Variants in CTIF observed in about 807,000 individuals in gnomAD.
CTIF encodes the protein cap binding complex dependent translation initiation factor.
Under a neutral mutation model 66.0 loss-of-function variants are expected in CTIF, and 21 were observed. The ratio of observed to expected loss-of-function variants is 0.32; its 90% CI spans 0.23 to 0.46. CTIF has a LOEUF of 0.46. Ranked by LOEUF, CTIF falls within the 20% of genes least tolerant of loss-of-function variation. The probability of loss-of-function intolerance (pLI) is 1.00; values close to 1 mark genes in which losing one functional copy is unlikely to be tolerated. For synonymous variants in CTIF, 345 were observed against 326.4 expected, an observed-to-expected ratio of 1.06 and a Z score of -0.62; for missense variants, 739 against 812.7, an observed-to-expected ratio of 0.91 and a Z score of 1.10.
intron 7 of CTIF, among the ~76,000 whole-genome samples, chr18:48,742,929 C>A (rs2092567210): frequency 6.6e-6 from 1 of 152,218 alleles, no homozygotes; most frequent in African/African-American, 2.4e-5. Context: ...GCCCCTCCAC[C>A]AGTCTATCAC....
rs184146370 is a variant in CTIF at position 48,775,804 on chromosome 18, C to G, written c.1371+14115C>G. 1.2e-3 allele frequency among the ~76,000 whole-genome samples: 182 copies of G among 152,234 alleles called. 1 individual carries two copies. The highest frequency in any genetic ancestry group is 3.9e-3 in the African/African-American group (164 of 41,540). On this transcript the variant is annotated intron_variant, in intron 9 of 11. Coordinates refer to ENST00000256413, the MANE Select transcript of CTIF (RefSeq NM_014772.3). The stretch of plus-strand genomic sequence containing the variant: ...CAAGAGGATCTGTAAGTGGCAGGAC[C>G]CTTTGAGGGACTGGGGGTTGCAGAG...
intron 8 of CTIF, among the ~76,000 whole-genome samples, chr18:48,759,838 G>C (rs1008213202): frequency 5.3e-5 from 8 of 152,212 alleles, no homozygotes; most frequent in Non-Finnish European, 1.0e-4. Flanking sequence ...AGCACCTATA[G>C]ATCAGTTTCA....
intron 7 of CTIF, among the ~76,000 whole-genome samples, chr18:48,752,646 CAG>C (rs1035785537): frequency 2.0e-4 from 30 of 152,270 alleles, no homozygotes; most frequent in Admixed American, 9.8e-4. Context: ...CATCTGGAAA[CAG>C]AGACACAGAG....
chr18:48,828,850 G>C (rs2068634885), intron 10 of CTIF, among the ~76,000 whole-genome samples: 1 of 152,202 alleles, frequency 6.6e-6, no homozygotes, highest in South Asian at 2.1e-4. Context: ...CAGGGGAGGG[G>C]CACCTTCCCA....
chr18:48,701,562 CTT>C (rs1317427709), intron 6 of CTIF, among the ~76,000 whole-genome samples: 13 of 152,224 alleles, frequency 8.5e-5, no homozygotes, highest in Non-Finnish European at 1.6e-4. Context: ...AGTGCACTCC[CTT>C]CAGTGCACTG....
rs529174835 is a variant in CTIF at position 48,752,787 on chromosome 18, G to A, written c.585-5132G>A. 1.6e-4 allele frequency among the ~76,000 whole-genome samples: 24 copies of A among 152,324 alleles called. 1 individual carries two copies. The highest frequency in any genetic ancestry group is 6.2e-4 in the South Asian group (3 of 4,822). On this transcript the variant is annotated intron_variant, in intron 7 of 11. Coordinates refer to ENST00000256413, the MANE Select transcript of CTIF (RefSeq NM_014772.3). ...CACCCATCATCCGAATCAGCCCTGCGCGCACCATGGGTGCTCCGTTAGTAT... is the reference window on the plus strand; with the variant it reads ...CACCCATCATCCGAATCAGCCCTGCACGCACCATGGGTGCTCCGTTAGTAT...
chr18:48,751,491 G>T (rs779145131), intron 7 of CTIF, among the ~76,000 whole-genome samples: 4 of 152,158 alleles, frequency 2.6e-5, no homozygotes, highest in African/African-American at 9.7e-5. Context: ...TGGAGTCATC[G>T]CTACCTCCCC....
intron 9 of CTIF, among the ~76,000 whole-genome samples, chr18:48,801,405 A>G (rs546485621): frequency 7.2e-5 from 11 of 152,280 alleles, no homozygotes; most frequent in African/African-American, 1.9e-4. Flanking sequence ...CTGTTCCTCA[A>G]CTGTTGTCCA....
At chr18:48,710,817 A>G (rs928419886) in intron 6 of CTIF, among the ~76,000 whole-genome samples, 1 of 152,178 alleles carries the variant, frequency 6.6e-6, no homozygotes, top group Admixed American at 6.5e-5. Context: ...GCAAAAAATC[A>G]AAAAACAAGC....
At chr18:48,563,540 T>C (rs2089211452) in intron 1 of CTIF, among the ~76,000 whole-genome samples, 1 of 152,142 alleles carries the variant, frequency 6.6e-6, no homozygotes, top group African/African-American at 2.4e-5. Context: ...GGCGCGATCT[T>C]GACTCACTGC....
At position 48,832,301 on chromosome 18, in the gene CTIF, A is replaced by G. The variant is rs181416729; in HGVS notation, c.1527+14925A>G. Among the ~76,000 whole-genome samples, 137 of 151,020 alleles carry G rather than the reference A, an allele frequency of 9.1e-4. 2 individuals carry two copies. The highest frequency in any genetic ancestry group is 1.3e-3 in the Non-Finnish European group (91 of 67,880). ...ATCATCCCACCTCAGCCCCCCAAGTAGTTGGGACTCCAGGTGTGCACCACC... is the reference window on the plus strand; with the variant it reads ...ATCATCCCACCTCAGCCCCCCAAGTGGTTGGGACTCCAGGTGTGCACCACC... On this transcript the variant is annotated intron_variant, in intron 10 of 11. Coordinates refer to ENST00000256413, the MANE Select transcript of CTIF (RefSeq NM_014772.3).
At chr18:48,685,062 C>T (rs1426069741) in intron 6 of CTIF, among the ~76,000 whole-genome samples, 3 of 139,044 alleles carry the variant, frequency 2.2e-5, no homozygotes, top group African/African-American at 8.1e-5. Flanking sequence ...AGAACCTATA[C>T]AAGATCAGAC....
At chr18:48,802,444 C>T (rs192812020) in intron 9 of CTIF, among the ~76,000 whole-genome samples, 1 of 152,362 alleles carries the variant, frequency 6.6e-6, no homozygotes, top group African/African-American at 2.4e-5. Context: ...GGGTGGGTGG[C>T]TGTCATGTCT....
chr18:48,679,810 A>G (rs574335275), intron 6 of CTIF, among the ~76,000 whole-genome samples: 12 of 152,096 alleles, frequency 7.9e-5, no homozygotes, highest in South Asian at 2.1e-4. Context: ...ATGCCCCTCC[A>G]TGCATTTGTG....
intron 1 of CTIF, among the ~76,000 whole-genome samples, chr18:48,550,198 C>G (rs537281649): frequency 6.6e-6 from 1 of 152,346 alleles, no homozygotes; most frequent in East Asian, 1.9e-4. Context: ...TTTCCCGACA[C>G]TGGGGCCAGG....
At chr18:48,828,241 G>T (rs2068622475) in intron 10 of CTIF, among the ~76,000 whole-genome samples, 1 of 152,176 alleles carries the variant, frequency 6.6e-6, no homozygotes, top group African/African-American at 2.4e-5. Flanking sequence ...AAACTCAAGA[G>T]ATTTCTAAAC....
At position 48,742,108 on chromosome 18, in the gene CTIF, G is replaced by C. The variant is rs565771032; in HGVS notation, c.585-15811G>C. ...TGTGGACATAGGCCATAAACAAGGAGACATTTACTCTCAACACTAGGAAAA... is the reference window on the plus strand; with the variant it reads ...TGTGGACATAGGCCATAAACAAGGACACATTTACTCTCAACACTAGGAAAA... On this transcript the variant is annotated intron_variant, in intron 7 of 11. Transcript: ENST00000256413. Among the ~76,000 whole-genome samples the C allele has an allele frequency of 2.5e-4, 38 of 152,350 alleles. 2 individuals are homozygous for C. The highest frequency in any genetic ancestry group is 8.9e-4 in the African/African-American group (37 of 41,582).
At chr18:48,709,785 A>G (rs976252843) in intron 6 of CTIF, among the ~76,000 whole-genome samples, 60 of 152,252 alleles carry the variant, frequency 3.9e-4, no homozygotes, top group Non-Finnish European at 4.4e-5. Flanking sequence ...ATCCTTTGAG[A>G]AAACCATTAA....
At chr18:48,597,719 C>CT (rs1319727394) in intron 1 of CTIF, among the ~76,000 whole-genome samples, 1 of 152,180 alleles carries the variant, frequency 6.6e-6, no homozygotes, top group African/African-American at 2.4e-5. Flanking sequence ...CCAATGAAGC[C>CT]TTTTTTCTTT....
Sources: allele counts gnomAD v4.1 joint callset (sites outside exome capture counted in the v4.1 genomes callset), GRCh38; gene constraint gnomAD v4.1.1; transcripts MANE v1.5; gene names NCBI Gene and HGNC (gene_info 2026-07-23, HGNC 2026-07-21).